The following XKR5 variants were observed in gnomAD, a reference collection of about 807,000 sequenced individuals.
The protein encoded by XKR5 is XK-related protein 5.
In XKR5, 46 loss-of-function variants were observed where a neutral mutation model predicts 40.8. That is an observed-to-expected ratio of 1.13 (90% CI 0.89 to 1.44). XKR5 has a LOEUF of 1.44. Ranked by LOEUF, XKR5 falls within the 40% of genes most tolerant of loss-of-function variation. The probability of loss-of-function intolerance (pLI) is 0.00; values close to 1 mark genes in which losing one functional copy is unlikely to be tolerated. For synonymous variants in XKR5, 466 were observed against 356.1 expected (o/e 1.31, Z -3.48); for missense variants, 1,169 against 844.7 (o/e 1.38, Z -4.76).
chr8:6,823,533 A>G lies in XKR5; in HGVS notation c.625T>C (p.Phe209Leu). ...LFYKAYHFWV[F>L]VVAGAHWLVM... Reference sequence around the variant, plus strand: ...TAGCTCAGCTCACCTGCAACCACAAAAACCCAAAAGTGGTAGGCTTTGTAG... The same window carrying G: ...TAGCTCAGCTCACCTGCAACCACAAGAACCCAAAAGTGGTAGGCTTTGTAG... The change falls in exon 4 of 7, where the codon TTT becomes CTT. Residue 209 changes from phenylalanine to leucine, a missense_variant. By Grantham distance (22) the Phe-to-Leu change is conservative (BLOSUM62 0). Transcript: ENST00000618742. 2 of 1,588,228 alleles carry G rather than the reference A, an allele frequency of 1.3e-6. No individual in the cohort carries two copies. Among genetic ancestry groups the G allele is most frequent in the Non-Finnish European group, 1.7e-6 (2 of 1,167,128 alleles).
At chr8:6,832,500 C>T (rs1054200141) in intron 2 of XKR5, among the ~76,000 whole-genome samples, 2 of 152,194 alleles carry the variant, frequency 1.3e-5, no homozygotes, top group African/African-American at 2.4e-5. Flanking sequence ...GTCACAGCTT[C>T]ACAGAGAAAG....
intron 1 of XKR5, among the ~76,000 whole-genome samples, chr8:6,835,133 G>T (rs1176611733): frequency 2.0e-5 from 3 of 151,876 alleles, no homozygotes; most frequent in South Asian, 2.1e-4. Context: ...TCTTGCATGC[G>T]TGGGGCGGGG....
At chr8:6,820,530 G>A (rs933035240) in intron 5 of XKR5, among the ~76,000 whole-genome samples, 11 of 152,310 alleles carry the variant, frequency 7.2e-5, no homozygotes, top group South Asian at 6.2e-4. Context: ...ATTGGCAGGC[G>A]GGGTGTCCAC....
chr8:6,828,717 T>A (rs1356773767), intron 2 of XKR5, among the ~76,000 whole-genome samples: 1 of 152,200 alleles, frequency 6.6e-6, no homozygotes, highest in Non-Finnish European at 1.5e-5. Context: ...CCCTCCCAAC[T>A]CTGTTGCATT....
In XKR5 at chr8:6,829,826, CTTTTTTTTTTTTTT is replaced by C. The variant is rs140715953; in HGVS notation, c.242+2877_242+2890del. On this transcript the variant is annotated intron_variant, in intron 2 of 6. Transcript: ENST00000618742. ...GCCGTCACGCCAGGCCAAATTCTTG[CTTTTTTTTTTTTTT>C]TTTTTTTTTTTTTTTGAGACGGAGT... is the stretch of plus-strand genomic sequence containing the variant. 2.9e-3 allele frequency among the ~76,000 whole-genome samples: 182 copies of C among 63,570 alleles called. 1 individual carries two copies. The highest frequency in any genetic ancestry group is 2.3e-3 in the Admixed American group (9 of 3,890). 41.7% of individuals were successfully genotyped at this position (63,570 alleles called of 152,430 possible).
At chr8:6,813,834 G>A (rs569947242) in intron 6 of XKR5, among the ~76,000 whole-genome samples, 1 of 152,356 alleles carries the variant, frequency 6.6e-6, no homozygotes, top group East Asian at 1.9e-4. Context: ...GAACTGGAAG[G>A]AAACCAGGCA....
intron 6 of XKR5, among the ~76,000 whole-genome samples, chr8:6,814,733 C>T (rs1009117961): frequency 2.6e-5 from 4 of 152,160 alleles, no homozygotes; most frequent in Non-Finnish European, 4.4e-5. Context: ...AGTGAGGACC[C>T]GTGACGTCTC....
At chr8:6,829,590 A>T (rs1035887841) in intron 2 of XKR5, among the ~76,000 whole-genome samples, 25 of 152,276 alleles carry the variant, frequency 1.6e-4, no homozygotes, top group African/African-American at 5.5e-4. Flanking sequence ...ATCTCAGCTC[A>T]CTGTAACCTC....
intron 2 of XKR5, among the ~76,000 whole-genome samples, chr8:6,827,347 A>C (rs951855139): frequency 6.6e-6 from 1 of 152,184 alleles, no homozygotes; most frequent in Non-Finnish European, 1.5e-5. Flanking sequence ...GCCAAGCTGG[A>C]TGCATCTCGA....
chr8:6,824,348 G>A (rs1428740513), intron 3 of XKR5, among the ~76,000 whole-genome samples: 1 of 151,856 alleles, frequency 6.6e-6, no homozygotes, highest in Non-Finnish European at 1.5e-5. Context: ...GGAGAAAAGG[G>A]GATAGCAGGA....
In XKR5 at chr8:6,812,213, C is replaced by T. The variant is rs377530749; in HGVS notation, c.1046G>A (p.Arg349Gln). 55 of 1,551,864 alleles carry T rather than the reference C, an allele frequency of 3.5e-5. No individual in the cohort carries two copies. The highest frequency in any genetic ancestry group is 1.2e-4 in the African/African-American group (9 of 73,176). Reference sequence around the variant, plus strand: ...TCTCTTCCCAGCTAGATCTGTGGCCCGGGGAGAATCTCTTCTCTCTGTTTT... The same window carrying T: ...TCTCTTCCCAGCTAGATCTGTGGCCTGGGGAGAATCTCTTCTCTCTGTTTT... ...GDKTERRDSP[R>Q]ATDLAGKRTE... Residue 349 changes from arginine (R) to glutamine (Q), a missense_variant, in exon 7 of 7, where the codon CGG becomes CAG. Physicochemically the swap from Arg to Gln is conservative, Grantham distance 43. Coordinates refer to ENST00000618742, the MANE Select transcript of XKR5 (RefSeq NM_207411.5).
At position 6,811,550 on chromosome 8, in the gene XKR5, C is replaced by T. The variant is rs1210072104; in HGVS notation, c.1709G>A (p.Arg570Lys). ...PATLQTAHSG[R>K]RLGKSSPAQP... ...GGCAGGGCTGCTCTTTCCCAGCCTC[C>T]TTCCAGAGTGGGCCGTTTGCAGAGT... Residue 570 changes from arginine (R) to lysine (K), a missense_variant, in exon 7 of 7, where the codon AGG becomes AAG. By Grantham distance (26) the Arg-to-Lys change is conservative. Coordinates refer to ENST00000618742, the MANE Select transcript of XKR5 (RefSeq NM_207411.5). The T allele has an allele frequency of 1.8e-5, 27 of 1,535,888 alleles. No individual in the cohort carries two copies. The highest frequency in any genetic ancestry group is 1.7e-4 in the East Asian group (7 of 40,922).
At chr8:6,829,914 T>C (rs1265732078) in intron 2 of XKR5, among the ~76,000 whole-genome samples, 2 of 131,380 alleles carry the variant, frequency 1.5e-5, no homozygotes, top group East Asian at 5.1e-4. Context: ...CTCGGCTCAC[T>C]GCAAGTTCCG....
intron 1 of XKR5, 75 bp downstream of exon 1, chr8:6,835,361 G>T: frequency 7.5e-7 from 1 of 1,333,522 alleles, no homozygotes; most frequent in Non-Finnish European, 9.6e-7. Flanking sequence ...GGCATAGGCA[G>T]CCTGTGCGGC....
At chr8:6,831,863 A>C (rs1400554941) in intron 2 of XKR5, among the ~76,000 whole-genome samples, 1 of 151,936 alleles carries the variant, frequency 6.6e-6, no homozygotes, top group Non-Finnish European at 1.5e-5. Context: ...AAAATACAAA[A>C]AATTAGCCGG....
chr8:6,834,659 C>T (rs73186388), intron 1 of XKR5, among the ~76,000 whole-genome samples: 3 of 152,018 alleles, frequency 2.0e-5, no homozygotes, highest in Non-Finnish European at 4.4e-5. Flanking sequence ...AGGCGGCGTT[C>T]CCAGGGTACC....
At position 6,810,805 on chromosome 8, in the gene XKR5, T is replaced by G. The variant is rs189292336; in HGVS notation, c.*393A>C. The stretch of plus-strand genomic sequence containing the variant: ...ATATTAAAATGAGATTCATAACCGC[T>G]AAATGTGAGGCAAAGCTAATTGTAA... On this transcript the variant is annotated 3_prime_UTR_variant, in exon 7 of 7. Transcript: ENST00000618742. 244 of 167,696 alleles carry G rather than the reference T, an allele frequency of 1.5e-3. 4 individuals are homozygous for G. The highest frequency in any genetic ancestry group is 5.3e-4 in the East Asian group (3 of 5,650). 10.4% of individuals were successfully genotyped at this position (167,696 alleles called of 1,614,324 possible).
At position 6,811,678 on chromosome 8, in the gene XKR5, T is replaced by C. The variant is rs1803698040; in HGVS notation, c.1581A>G (p.Thr527=). ...DAVSGTQGKG[T]GGQQRGGEGQ... The stretch of plus-strand genomic sequence containing the variant: ...CTTCCCCTCCTCTCTGCTGCCCACC[T>C]GTCCCCTTCCCCTGTGTCCCAGAAA... The change falls in exon 7 of 7, where the codon ACA becomes ACG. Residue 527 remains threonine (T), a synonymous_variant. Transcript: ENST00000618742. 1 of 1,537,640 alleles carries C rather than the reference T, an allele frequency of 6.5e-7. No homozygotes were observed. Among genetic ancestry groups the C allele is most frequent in the African/African-American group, 1.4e-5 (1 of 73,070 alleles).
chr8:6,828,160 C>T (rs554001791), intron 2 of XKR5, among the ~76,000 whole-genome samples: 2 of 152,272 alleles, frequency 1.3e-5, no homozygotes, highest in African/African-American at 4.8e-5. Flanking sequence ...ATGCGAAAAG[C>T]TTCAAGAGGA....
Sources: gnomAD v4.1 joint callset for allele counts (sites outside exome capture counted in the v4.1 genomes callset) on GRCh38, gnomAD v4.1.1 for gene constraint, MANE v1.5 for transcripts, NCBI Gene and HGNC (gene_info 2026-07-23, HGNC 2026-07-21) for gene names.